THSD4: variants seen among roughly 807,000 people sequenced by gnomAD.
THSD4 encodes the protein thrombospondin type-1 domain-containing protein 4.
In THSD4, 69 loss-of-function variants were observed where a neutral mutation model predicts 119.0. The ratio of observed to expected loss-of-function variants is 0.58; its 90% CI spans 0.48 to 0.71. THSD4 has a LOEUF of 0.71. Among genes scored for constraint, THSD4 ranks in the 30% least tolerant of loss-of-function variants. The pLI, the probability that THSD4 is intolerant of heterozygous loss-of-function variation, is 0.00. For missense variants in THSD4, 1,393 were observed against 1,391.1 expected, an observed-to-expected ratio of 1.00 and a Z score of -0.02; for synonymous variants, 524 against 540.4, an observed-to-expected ratio of 0.97 and a Z score of 0.42.
intron 7 of THSD4, among the ~76,000 whole-genome samples, chr15:71,654,032 T>C (rs1405267375): frequency 1.3e-5 from 2 of 152,256 alleles, no homozygotes; most frequent in Admixed American, 1.3e-4. Flanking sequence ...CAGATCTAAA[T>C]ATTTTAGGCT....
chr15:71,616,806 C>T (rs1197730334), intron 7 of THSD4, among the ~76,000 whole-genome samples: 1 of 152,182 alleles, frequency 6.6e-6, no homozygotes, highest in Non-Finnish European at 1.5e-5. Context: ...TCTTCATCTC[C>T]AAGCATCTGT....
chr15:71,737,704 T>C, intron 10 of THSD4, 28 bp from the exon 11 acceptor site: 5 of 1,568,514 alleles, frequency 3.2e-6, no homozygotes, highest in Non-Finnish European at 4.3e-6. Flanking sequence ...TGATCCTGAT[T>C]CTGTGTGTGC....
At chr15:71,771,358 T>C (rs1047436640) in intron 17 of THSD4, 150 bp downstream of exon 17, 22 of 1,075,376 alleles carry the variant, frequency 2.0e-5, no homozygotes, top group African/African-American at 1.8e-4. Flanking sequence ...TTTGGTATTA[T>C]AAATTTCATG....
At chr15:71,256,807 A>G (rs2044323260) in intron 6 of THSD4, 92 bp downstream of exon 6, 1 of 1,227,196 alleles carries the variant, frequency 8.1e-7, no homozygotes. Flanking sequence ...TATTGGTGTG[A>G]TCCTGGCTGG....
intron 3 of THSD4, among the ~76,000 whole-genome samples, chr15:71,165,987 G>A (rs769704929): frequency 8.5e-5 from 13 of 152,126 alleles, no homozygotes; most frequent in Non-Finnish European, 1.6e-4. Flanking sequence ...GGAGAGGGAG[G>A]TGAGACATCT....
intron 8 of THSD4, among the ~76,000 whole-genome samples, chr15:71,722,360 G>C (rs2052738635): frequency 6.6e-6 from 1 of 152,172 alleles, no homozygotes; most frequent in Admixed American, 6.5e-5. Context: ...CAAACCTTTA[G>C]AGAGAATGAG....
intron 3 of THSD4, among the ~76,000 whole-genome samples, chr15:71,193,963 C>T (rs893589398): frequency 3.3e-5 from 5 of 152,104 alleles, no homozygotes; most frequent in South Asian, 2.1e-4. Context: ...TGCCCGCCTC[C>T]GCCTCCCAAA....
intron 4 of THSD4, 31 bp from the exon 5 acceptor site, chr15:71,242,618 A>C: frequency 6.3e-7 from 1 of 1,598,706 alleles, no homozygotes; most frequent in Non-Finnish European, 8.6e-7. Flanking sequence ...TCCGACTCTG[A>C]TCATCTCCTC....
intron 7 of THSD4, among the ~76,000 whole-genome samples, chr15:71,646,949 C>T (rs1032426203): frequency 6.6e-6 from 1 of 152,116 alleles, no homozygotes; most frequent in Non-Finnish European, 1.5e-5. Context: ...CCTTTTGAGC[C>T]AGAAGAATGA....
At position 71,377,887 on chromosome 15, in the gene THSD4, C is replaced by CACACACACACACACACACACACAA. The variant is rs1566961408; in HGVS notation, c.1016-33777_1016-33776insAACACACACACACACACACACACA. ...TCCACAACACACACACACACACACA[C>CACACACACACACACACACACACAA]ACACACACACACACACACACACACA... is the stretch of plus-strand genomic sequence containing the variant. On this transcript the variant is annotated intron_variant, in intron 6 of 17. Coordinates refer to ENST00000261862, the MANE Select transcript of THSD4 (RefSeq NM_024817.3). Among the ~76,000 whole-genome samples, 4 of 82,952 alleles carry CACACACACACACACACACACACAA rather than the reference C, an allele frequency of 4.8e-5. No individual in the cohort carries two copies. The East Asian group carries it at 2.1e-3, about 44-fold the overall frequency. 54.4% of individuals were successfully genotyped at this position (82,952 alleles called of 152,430 possible). A position where few individuals can be genotyped will look rare whatever the true frequency, so the allele number is the denominator to read the frequency against.
chr15:71,516,320 C>T (rs527840439), intron 7 of THSD4, among the ~76,000 whole-genome samples: 161 of 152,226 alleles, frequency 1.1e-3, no homozygotes, highest in Non-Finnish European at 1.4e-3. Flanking sequence ...AATTTACCAC[C>T]GAGCAAATGC....
chr15:71,352,835 C>G (rs140387579), intron 6 of THSD4, among the ~76,000 whole-genome samples: 1 of 152,154 alleles, frequency 6.6e-6, no homozygotes. Flanking sequence ...GAAAGCTTAA[C>G]ATTTAAGCTG....
chr15:71,756,731 T>G (rs2053545963), intron 14 of THSD4, among the ~76,000 whole-genome samples: 1 of 152,066 alleles, frequency 6.6e-6, no homozygotes. Context: ...TGAGCTGAGA[T>G]CACGCCACCT....
At chr15:71,771,951 T>C (rs2053830518) in intron 17 of THSD4, among the ~76,000 whole-genome samples, 1 of 152,020 alleles carries the variant, frequency 6.6e-6, no homozygotes, top group Non-Finnish European at 1.5e-5. Flanking sequence ...CGCACATAGA[T>C]TGGGCAGATA....
At chr15:71,118,875 G>A (rs1442196678) in intron 1 of THSD4, among the ~76,000 whole-genome samples, 1 of 152,174 alleles carries the variant, frequency 6.6e-6, no homozygotes, top group Non-Finnish European at 1.5e-5. Flanking sequence ...GCCCCCTCTT[G>A]GGATCCCCCA....
chr15:71,708,106 C>T (rs1567111707), intron 8 of THSD4, among the ~76,000 whole-genome samples: 1 of 152,214 alleles, frequency 6.6e-6, no homozygotes, highest in Non-Finnish European at 1.5e-5. Flanking sequence ...TTAGATGTGA[C>T]TTCTGTCTGC....
chr15:71,196,995 T>A (rs1463401683), intron 3 of THSD4, among the ~76,000 whole-genome samples: 4 of 152,174 alleles, frequency 2.6e-5, no homozygotes, highest in Admixed American at 6.5e-5. Flanking sequence ...ATGCATTCAT[T>A]AGGTAGCTTC....
At chr15:71,165,938 G>T (rs1034928210) in intron 3 of THSD4, among the ~76,000 whole-genome samples, 1 of 152,162 alleles carries the variant, frequency 6.6e-6, no homozygotes, top group Non-Finnish European at 1.5e-5. Context: ...AAGGGTGTGT[G>T]TGGGGTGCCT....
At chr15:71,324,639 T>C (rs2140364557) in intron 6 of THSD4, among the ~76,000 whole-genome samples, 1 of 152,360 alleles carries the variant, frequency 6.6e-6, no homozygotes, top group East Asian at 1.9e-4. Context: ...GACATTATTT[T>C]GTTCCTCTTT....
Sources: gnomAD v4.1 joint callset for allele counts (sites outside exome capture counted in the v4.1 genomes callset) on GRCh38, gnomAD v4.1.1 for gene constraint, MANE v1.5 for transcripts, NCBI Gene and HGNC (gene_info 2026-07-23, HGNC 2026-07-21) for gene names.